The following CHM variants were observed in gnomAD, a reference collection of about 807,000 sequenced individuals.
The protein encoded by CHM is rab proteins geranylgeranyltransferase component A 1.
In CHM, 10 loss-of-function variants were observed where a neutral mutation model predicts 49.0. The ratio of observed to expected loss-of-function variants is 0.20; its 90% CI spans 0.13 to 0.35. The LOEUF (loss-of-function observed/expected upper bound fraction) is 0.35. Ranked by LOEUF, CHM falls within the 10% of genes least tolerant of loss-of-function variation. CHM has a pLI of 1.00. For synonymous variants in CHM, 184 were observed against 167.5 expected, an observed-to-expected ratio of 1.10 and a Z score of -0.76; for missense variants, 455 against 478.4, an observed-to-expected ratio of 0.95 and a Z score of 0.46.
chrX:85,917,641 T>C (rs1033848529), intron 8 of CHM, among the ~76,000 whole-genome samples: 1 of 110,113 alleles, frequency 9.1e-6, no homozygotes, highest in Non-Finnish European at 1.9e-5. Context: ...GAGGAGAAGG[T>C]TGAAACGCAT....
At chrX:85,946,727 A>C (rs5968728) in intron 8 of CHM, among the ~76,000 whole-genome samples, 25,224 of 111,096 alleles carry the variant, frequency 0.23, 2,167 homozygotes, top group Non-Finnish European at 0.25. Flanking sequence ...GGCCCCATGC[A>C]GAGTCCCTAC....
chrX:85,942,582 A>G (rs1003961279), intron 8 of CHM, among the ~76,000 whole-genome samples: 2 of 111,087 alleles, frequency 1.8e-5, no homozygotes, highest in African/African-American at 6.5e-5. Flanking sequence ...CTGCAAAAGG[A>G]TAGTATGTTG....
chrX:86,021,286 A>G (rs1291420008), intron 2 of CHM, among the ~76,000 whole-genome samples: 2 of 105,454 alleles, frequency 1.9e-5, no homozygotes, highest in Non-Finnish European at 3.9e-5. Context: ...AGATGCTAAC[A>G]TTACTGAGGG....
chrX:85,935,218 AAC>A lies in CHM; in HGVS notation c.1166+20933_1166+20934del, dbSNP rs754568136. On this transcript the variant is annotated intron_variant, in intron 8 of 14. Transcript: ENST00000357749. ...GGGAGGAGAGGAGGCCAGGTTCTTT[AAC>A]ACTTTCCATGTGAAATAGAGTGAGA... Among the ~76,000 whole-genome samples the A allele has an allele frequency of 2.7e-5, 3 of 111,161 alleles. No individual in the cohort carries two copies. In the South Asian group the frequency reaches 1.2e-3, roughly 43 times the overall value.
chrX:86,019,629 A>G (rs896570271), intron 2 of CHM: 2 of 112,191 alleles, frequency 1.8e-5, no homozygotes, highest in Admixed American at 9.5e-5. Flanking sequence ...GTGCAGTGGT[A>G]TTTACAACTA....
chrX:85,941,659 A>T (rs1257688709), intron 8 of CHM, among the ~76,000 whole-genome samples: 3 of 111,641 alleles, frequency 2.7e-5, no homozygotes, highest in African/African-American at 6.5e-5. Context: ...ATACAGCCAT[A>T]TCCATTTGTT....
chrX:86,042,389 C>G (rs1252586836), intron 1 of CHM, among the ~76,000 whole-genome samples: 1 of 111,137 alleles, frequency 9.0e-6, no homozygotes, highest in Non-Finnish European at 1.9e-5. Context: ...GCTGTACAAG[C>G]ATGGTACAGG....
At chrX:86,011,354 C>T (rs989468243) in intron 2 of CHM, among the ~76,000 whole-genome samples, 2 of 111,090 alleles carry the variant, frequency 1.8e-5, no homozygotes, top group African/African-American at 3.3e-5. Flanking sequence ...GAATTGTTCA[C>T]GTACAATGGG....
chrX:86,046,597 C>T (rs1282300855), intron 1 of CHM, among the ~76,000 whole-genome samples: 3 of 111,690 alleles, frequency 2.7e-5, no homozygotes, highest in Non-Finnish European at 1.9e-5. Context: ...ATTCTACAAA[C>T]AGTAAAAAAC....
chrX:85,992,921 T>A (rs1287488537), intron 2 of CHM, among the ~76,000 whole-genome samples: 1 of 111,903 alleles, frequency 8.9e-6, no homozygotes, highest in Non-Finnish European at 1.9e-5. Flanking sequence ...TATTACTCAT[T>A]CCACATTAGT....
At chrX:85,983,507 A>G (rs2147715879) in intron 2 of CHM, among the ~76,000 whole-genome samples, 1 of 111,508 alleles carries the variant, frequency 9.0e-6, no homozygotes, top group Admixed American at 9.6e-5. Flanking sequence ...CAATTCTGCT[A>G]TCTCTTCCCA....
chrX:85,984,419 A>C (rs2147717543), intron 2 of CHM, among the ~76,000 whole-genome samples: 1 of 111,127 alleles, frequency 9.0e-6, no homozygotes, highest in Non-Finnish European at 1.9e-5. Flanking sequence ...AGCATATGAG[A>C]TACCAGTACG....
chrX:85,969,345 TA>T (rs1287064968), intron 4 of CHM: 32 of 739,718 alleles, frequency 4.3e-5, no homozygotes, highest in Non-Finnish European at 5.1e-5. Flanking sequence ...TACCTAAGAA[TA>T]ACTTGAGTTT....
chrX:86,007,444 A>C (rs1363050928), intron 2 of CHM, among the ~76,000 whole-genome samples: 1 of 111,888 alleles, frequency 8.9e-6, no homozygotes, highest in East Asian at 2.8e-4. Context: ...TCTGCACAGC[A>C]AAAGAAACTA....
intron 8 of CHM, among the ~76,000 whole-genome samples, chrX:85,929,735 T>C (rs1928309968): frequency 8.9e-6 from 1 of 111,979 alleles, no homozygotes. Context: ...AATATGCATA[T>C]GATAAAACAG....
chrX:85,995,497 T>C (rs1266410463), intron 2 of CHM, among the ~76,000 whole-genome samples: 1 of 111,137 alleles, frequency 9.0e-6, no homozygotes, highest in East Asian at 2.8e-4. Context: ...AACCCAGTAT[T>C]TGTGTCTTTT....
rs553675484 is a variant in CHM, at chrX:85,995,659, G to A, written c.117-13850C>T. On this transcript the variant is annotated intron_variant, in intron 2 of 14. Coordinates refer to ENST00000357749, the MANE Select transcript of CHM (RefSeq NM_000390.4). ...TTGTTTCCTCATCTGCAAAAGGAGGGAAATCATACTTATTTTAGAGAAATG... is the reference window on the plus strand; with the variant it reads ...TTGTTTCCTCATCTGCAAAAGGAGGAAAATCATACTTATTTTAGAGAAATG... Among the ~76,000 whole-genome samples, 4 of 112,118 alleles carry A rather than the reference G, an allele frequency of 3.6e-5. No homozygotes were observed. In the South Asian group the frequency reaches 1.1e-3, roughly 31 times the overall value.
intron 7 of CHM, 92 bp downstream of exon 7, chrX:85,957,763 C>T: frequency 1.9e-6 from 2 of 1,077,426 alleles, no homozygotes; most frequent in Non-Finnish European, 2.5e-6. Flanking sequence ...CATTTTAAAA[C>T]AGTAATAAGT....
intron 8 of CHM, among the ~76,000 whole-genome samples, chrX:85,916,775 A>T (rs1454921860): frequency 8.9e-6 from 1 of 112,395 alleles, no homozygotes. Context: ...AATGGCTATT[A>T]CTAAAACATC....
Sources: allele counts gnomAD v4.1 joint callset (sites outside exome capture counted in the v4.1 genomes callset), GRCh38; gene constraint gnomAD v4.1.1; transcripts MANE v1.5; gene names NCBI Gene and HGNC (gene_info 2026-07-23, HGNC 2026-07-21).